HSD17B4: variants seen among roughly 807,000 people sequenced by gnomAD.
HSD17B4 encodes the protein peroxisomal multifunctional enzyme type 2.
A neutral mutation model predicts 101.0 loss-of-function variants in HSD17B4; 70 were observed. The ratio of observed to expected loss-of-function variants is 0.69; its 90% CI spans 0.57 to 0.85. The LOEUF (loss-of-function observed/expected upper bound fraction) is 0.85, where lower values mean the gene tolerates loss of function less well. Ranked by LOEUF, HSD17B4 falls within the 40% of genes least tolerant of loss-of-function variation. The pLI is 0.00. For missense variants in HSD17B4, 984 were observed against 892.4 expected, an observed-to-expected ratio of 1.10 and a Z score of -1.31; for synonymous variants, 347 against 297.1, an observed-to-expected ratio of 1.17 and a Z score of -1.73.
At chr5:119,486,724 C>T (rs895237332) in intron 8 of HSD17B4, among the ~76,000 whole-genome samples, 6 of 151,968 alleles carry the variant, frequency 3.9e-5, no homozygotes, top group Non-Finnish European at 8.8e-5. Flanking sequence ...TGCTTTTATT[C>T]TTGTACATGT....
intron 2 of HSD17B4, among the ~76,000 whole-genome samples, chr5:119,463,301 G>A (rs1425095935): frequency 6.6e-6 from 1 of 152,138 alleles, no homozygotes; most frequent in Middle Eastern, 3.2e-3. Flanking sequence ...ATTGTGAATA[G>A]TGCTGCAGTA....
chr5:119,473,281 T>TTA (rs1748189112), intron 2 of HSD17B4, among the ~76,000 whole-genome samples: 1 of 145,830 alleles, frequency 6.9e-6, no homozygotes, highest in Non-Finnish European at 1.5e-5. Context: ...ATCTTTTTTT[T>TTA]TTTTTTTTTT....
intron 13 of HSD17B4, 87 bp downstream of exon 13, chr5:119,499,640 A>AGT (rs1750978229): frequency 1.3e-6 from 1 of 752,016 alleles, no homozygotes; most frequent in South Asian, 1.5e-5. Flanking sequence ...ATGTGTGTGT[A>AGT]GTGTGTGTAT....
rs1335782399 is a variant in HSD17B4 at position 119,506,902 on chromosome 5, C to G, written c.1333+13C>G. The G allele has an allele frequency of 7.5e-7, 1 of 1,333,896 alleles. No homozygotes were observed. The highest frequency in any genetic ancestry group is 1.1e-6 in the Non-Finnish European group (1 of 927,304). The allele number at this position is 1,333,896 out of a possible 1,614,324, so 82.6% of individuals were successfully genotyped here. Reference sequence around the variant, plus strand: ...ATTATTATGGATGGTAATTTATTTACAATTCTTATAATAATATTGTTAGAT... The same window carrying G: ...ATTATTATGGATGGTAATTTATTTAGAATTCTTATAATAATATTGTTAGAT... On this transcript the variant is annotated intron_variant, in intron 15 of 23. Coordinates refer to ENST00000510025, the MANE Select transcript of HSD17B4 (RefSeq NM_000414.4).
intron 15 of HSD17B4, among the ~76,000 whole-genome samples, chr5:119,508,073 T>C (rs777188860): frequency 2.0e-5 from 3 of 152,120 alleles, no homozygotes; most frequent in Non-Finnish European, 4.4e-5. Context: ...TCTTAAATAT[T>C]ATGTATGTTC....
intron 18 of HSD17B4, 75 bp from the exon 19 acceptor site, chr5:119,525,842 G>C: frequency 1.2e-6 from 1 of 844,144 alleles, no homozygotes; most frequent in Admixed American, 1.7e-5. Flanking sequence ...CATTTTTAAA[G>C]TCCTGAATTA....
At chr5:119,456,741 A>G (rs540757688) in intron 2 of HSD17B4, 2 of 252,082 alleles carry the variant, frequency 7.9e-6, no homozygotes, top group Non-Finnish European at 1.5e-5. Flanking sequence ...CGCAAAAAAA[A>G]CCCTGTTTCT....
rs757933660 is a variant in HSD17B4, at chr5:119,541,887, T to A, written c.2122-18T>A. On this transcript the variant is annotated intron_variant, in intron 23 of 23. Transcript: ENST00000510025. Reference sequence around the variant, plus strand: ...ACATGGTAACAGTTGGCACTCTTTTTCCCTCCTCTCCTTGCAGGCATTCTT... The same window carrying A: ...ACATGGTAACAGTTGGCACTCTTTTACCCTCCTCTCCTTGCAGGCATTCTT... 6.6e-7 allele frequency: 1 copy of A among 1,520,234 alleles called. No individual in the cohort carries two copies. The highest frequency in any genetic ancestry group is 9.1e-7 in the Non-Finnish European group (1 of 1,095,110). 94.2% of individuals were successfully genotyped at this position (1,520,234 alleles called of 1,614,324 possible).
intron 14 of HSD17B4, among the ~76,000 whole-genome samples, chr5:119,502,802 G>C (rs1244053490): frequency 6.6e-6 from 1 of 152,052 alleles, no homozygotes; most frequent in African/African-American, 2.4e-5. Flanking sequence ...TCTAAAAAAT[G>C]TATGAGATTT....
intron 8 of HSD17B4, among the ~76,000 whole-genome samples, chr5:119,484,686 G>A (rs1195857515): frequency 6.6e-6 from 1 of 151,992 alleles, no homozygotes; most frequent in Admixed American, 6.6e-5. Flanking sequence ...AATACTTATG[G>A]TACCATATAT....
chr5:119,473,221 C>G (rs1387998079), intron 2 of HSD17B4, among the ~76,000 whole-genome samples: 1 of 111,848 alleles, frequency 8.9e-6, no homozygotes, highest in African/African-American at 3.4e-5. Flanking sequence ...TGTATTTAAT[C>G]TTAAAGCGAT....
At chr5:119,455,235 G>T (rs1374081942) in intron 1 of HSD17B4, among the ~76,000 whole-genome samples, 1 of 152,156 alleles carries the variant, frequency 6.6e-6, no homozygotes, top group Non-Finnish European at 1.5e-5. Flanking sequence ...TTCTCTCTTG[G>T]CTGGGGATGG....
chr5:119,496,941 A>G (rs1248287499), intron 12 of HSD17B4, among the ~76,000 whole-genome samples: 1 of 152,180 alleles, frequency 6.6e-6, no homozygotes, highest in Admixed American at 6.5e-5. Flanking sequence ...CACTGTCCAG[A>G]GTACTTTATT....
intron 22 of HSD17B4, among the ~76,000 whole-genome samples, chr5:119,534,170 T>A (rs1193272167): frequency 6.6e-6 from 1 of 152,100 alleles, no homozygotes; most frequent in Non-Finnish European, 1.5e-5. Context: ...TAAATTTGGT[T>A]TCCTTTCACA....
intron 4 of HSD17B4, among the ~76,000 whole-genome samples, chr5:119,474,920 A>G (rs1244756577): frequency 6.6e-6 from 1 of 152,070 alleles, no homozygotes; most frequent in African/African-American, 2.4e-5. Flanking sequence ...TAAATTGTTG[A>G]GTTTGTTATT....
At chr5:119,509,031 A>G (rs1580651888) in intron 15 of HSD17B4, 110 bp from the exon 16 acceptor site, 2 of 707,350 alleles carry the variant, frequency 2.8e-6, no homozygotes, top group Non-Finnish European at 5.1e-6. Context: ...TCTTTCAGTA[A>G]TTGGATTTTG....
At chr5:119,508,680 T>TA (rs1751887181) in intron 15 of HSD17B4, among the ~76,000 whole-genome samples, 2 of 152,188 alleles carry the variant, frequency 1.3e-5, no homozygotes, top group South Asian at 4.1e-4. Context: ...GATGGGAAAA[T>TA]AAGAGTGAGC....
chr5:119,528,621 T>A (rs1359925594), intron 20 of HSD17B4, among the ~76,000 whole-genome samples: 1 of 152,150 alleles, frequency 6.6e-6, no homozygotes, highest in Non-Finnish European at 1.5e-5. Context: ...GCTTTTTGAT[T>A]AAGATTATGA....
intron 1 of HSD17B4, among the ~76,000 whole-genome samples, chr5:119,453,565 G>A (rs1754296279): frequency 6.6e-6 from 1 of 152,198 alleles, no homozygotes. Flanking sequence ...TCCACTGGTA[G>A]TACCTTATAC....
Sources: allele counts gnomAD v4.1 joint callset (sites outside exome capture counted in the v4.1 genomes callset), GRCh38; gene constraint gnomAD v4.1.1; transcripts MANE v1.5; gene names NCBI Gene and HGNC (gene_info 2026-07-23, HGNC 2026-07-21).